The following APBB2 variants were observed in gnomAD, a reference collection of about 807,000 sequenced individuals.
APBB2 encodes amyloid beta precursor protein binding family B member 2, also known as Fe65-like 1.
In APBB2, 38 loss-of-function variants were observed where a neutral mutation model predicts 82.5. The ratio of observed to expected loss-of-function variants is 0.46; its 90% CI spans 0.36 to 0.60. The LOEUF (loss-of-function observed/expected upper bound fraction) is 0.60, where lower values mean the gene tolerates loss of function less well. Ranked by LOEUF, APBB2 falls within the 20% of genes least tolerant of loss-of-function variation. APBB2 has a pLI of 0.00. For missense variants in APBB2, 772 were observed against 972.3 expected (o/e 0.79, Z 2.74); for synonymous variants, 341 against 368.2 (o/e 0.93, Z 0.85).
intron 12 of APBB2, among the ~76,000 whole-genome samples, chr4:40,850,593 G>T (rs1020958517): frequency 5.5e-4 from 83 of 152,190 alleles, no homozygotes; most frequent in African/African-American, 2.0e-3. Context: ...TGTGAATGAA[G>T]AGTATTGGAC....
At chr4:40,965,957 T>C (rs2154395932) in intron 6 of APBB2, among the ~76,000 whole-genome samples, 1 of 152,304 alleles carries the variant, frequency 6.6e-6, no homozygotes, top group Non-Finnish European at 1.5e-5. Flanking sequence ...TTCAACACTT[T>C]TACCCTTCTC....
At chr4:40,982,384 AAGGAAGG>A (rs1799146863) in intron 6 of APBB2, among the ~76,000 whole-genome samples, 1 of 13,140 alleles carries the variant, frequency 7.6e-5, no homozygotes, top group Non-Finnish European at 1.6e-4. Flanking sequence ...GGAAGGAAGG[AAGGAAGG>A]AAAGGAAAGG....
intron 12 of APBB2, among the ~76,000 whole-genome samples, chr4:40,845,870 T>A (rs896057192): frequency 6.6e-6 from 1 of 152,014 alleles, no homozygotes; most frequent in Non-Finnish European, 1.5e-5. Flanking sequence ...CACACCATTA[T>A]CCACAGGACA....
chr4:41,081,087 T>G (rs1172421723), intron 3 of APBB2, among the ~76,000 whole-genome samples: 2 of 152,248 alleles, frequency 1.3e-5, no homozygotes, highest in East Asian at 3.8e-4. Flanking sequence ...TCTCTTGACG[T>G]ATCTAATGGC....
At position 40,826,117 on chromosome 4, in the gene APBB2, A is replaced by G; in HGVS notation, c.1733-147T>C. 3.0e-6 allele frequency: 2 copies of G among 662,450 alleles called. No homozygotes were observed. Among genetic ancestry groups the G allele is most frequent in the Non-Finnish European group, 2.8e-6 (1 of 360,880 alleles). 41.0% of individuals were successfully genotyped at this position (662,450 alleles called of 1,614,324 possible). On this transcript the variant is annotated intron_variant, in intron 14 of 17. Transcript: ENST00000508593. This position sits in a 1 kb window ranked among gnomAD's most constrained non-coding sequence, Gnocchi z 4.5. ...TGGATGTAAATGTAACAACTATTCTACAAGAGCAGCATTACTCCAGATATT... is the reference window on the plus strand; with the variant it reads ...TGGATGTAAATGTAACAACTATTCTGCAAGAGCAGCATTACTCCAGATATT...
At chr4:41,028,852 C>T (rs1023285289) in intron 5 of APBB2, among the ~76,000 whole-genome samples, 2 of 152,238 alleles carry the variant, frequency 1.3e-5, no homozygotes, top group South Asian at 2.1e-4. Flanking sequence ...CCCTGTAACT[C>T]GGACCACATC....
At chr4:40,876,552 G>T (rs951244706) in intron 12 of APBB2, among the ~76,000 whole-genome samples, 1 of 152,068 alleles carries the variant, frequency 6.6e-6, no homozygotes, top group African/African-American at 2.4e-5. Context: ...GTGTCTGCAG[G>T]GAATTAGTTC....
At chr4:41,166,121 G>A (rs1001173583) in intron 1 of APBB2, among the ~76,000 whole-genome samples, 17 of 150,436 alleles carry the variant, frequency 1.1e-4, no homozygotes, top group Non-Finnish European at 2.1e-4. Context: ...TGATCCGCCC[G>A]CCTCGGCCTC....
intron 6 of APBB2, among the ~76,000 whole-genome samples, chr4:40,974,370 A>G (rs962391856): frequency 6.6e-6 from 1 of 152,204 alleles, no homozygotes; most frequent in Non-Finnish European, 1.5e-5. Context: ...GAGGGTAGGG[A>G]GAAATCTTCA....
chr4:40,967,428 C>T (rs1039900597), intron 6 of APBB2, among the ~76,000 whole-genome samples: 2 of 152,204 alleles, frequency 1.3e-5, no homozygotes, highest in African/African-American at 4.8e-5. Context: ...GCTCCCTGAG[C>T]CAGGGCTATG....
chr4:40,946,232 C>CAAAAAAAAAAAAAAA (rs55995119), intron 6 of APBB2, among the ~76,000 whole-genome samples: 4 of 78,698 alleles, frequency 5.1e-5, no homozygotes, highest in East Asian at 3.6e-4. Flanking sequence ...ACTCTATCTC[C>CAAAAAAAAAAAAAAA]AAAAAAAAAA....
chr4:40,883,530 T>C (rs1012285508), intron 12 of APBB2, among the ~76,000 whole-genome samples: 2 of 151,968 alleles, frequency 1.3e-5, no homozygotes, highest in Non-Finnish European at 2.9e-5. Context: ...GAGGTTGCAG[T>C]GAGCCGAGAT....
Position 40,915,519 on chromosome 4 carries a change from G to C in APBB2, c.1254+18937C>G, listed in dbSNP as rs536540251. The stretch of plus-strand genomic sequence containing the variant: ...AAACAATACCTGGTACTCAGTAAAA[G>C]TTACTGATAACTATCTTCAGGGCTA... On this transcript the variant is annotated intron_variant, in intron 10 of 17. Transcript: ENST00000508593. Among the ~76,000 whole-genome samples, 82 of 152,280 alleles carry C rather than the reference G, an allele frequency of 5.4e-4. 1 individual carries two copies. In the South Asian group the frequency reaches 0.017, roughly 31 times the overall value.
At chr4:41,049,934 G>A (rs1725325495) in intron 4 of APBB2, among the ~76,000 whole-genome samples, 1 of 152,052 alleles carries the variant, frequency 6.6e-6, no homozygotes, top group Non-Finnish European at 1.5e-5. Flanking sequence ...CTCGTTAAGA[G>A]TCATCACCAC....
chr4:41,076,208 T>A (rs1362094394), intron 3 of APBB2, among the ~76,000 whole-genome samples: 1 of 152,164 alleles, frequency 6.6e-6, no homozygotes, highest in Non-Finnish European at 1.5e-5. Flanking sequence ...CAAACCAGTA[T>A]GCGGCAAAGA....
At chr4:40,870,490 A>T (rs148990440) in intron 12 of APBB2, among the ~76,000 whole-genome samples, 26 of 152,328 alleles carry the variant, frequency 1.7e-4, no homozygotes, top group African/African-American at 6.3e-4. Context: ...CAGGAAGCCA[A>T]CCGGTGTGCC....
chr4:40,845,588 C>CAAAAATAAAAAAA (rs1757242894), intron 12 of APBB2, among the ~76,000 whole-genome samples: 1 of 56,482 alleles, frequency 1.8e-5, no homozygotes, highest in Non-Finnish European at 3.0e-5. Context: ...GGAAATTCCT[C>CAAAAATAAAAAAA]AAAAAAAAAA....
At chr4:40,877,936 A>G (rs1291844843) in intron 12 of APBB2, among the ~76,000 whole-genome samples, 1 of 152,184 alleles carries the variant, frequency 6.6e-6, no homozygotes, top group Non-Finnish European at 1.5e-5. Context: ...CTGCCTGAAG[A>G]TGGCTCTCCA....
chr4:41,141,332 CTG>C (rs112919629), intron 2 of APBB2, among the ~76,000 whole-genome samples: 7,658 of 108,174 alleles, frequency 0.071, 418 homozygotes, highest in African/African-American at 0.16. Flanking sequence ...GTGTGTGTGT[CTG>C]TGTGTGTGTG....
Sources: allele counts gnomAD v4.1 joint callset (sites outside exome capture counted in the v4.1 genomes callset), GRCh38; gene constraint gnomAD v4.1.1; non-coding constraint Gnocchi (gnomAD v3.1); transcripts MANE v1.5; gene names NCBI Gene and HGNC (gene_info 2026-07-23, HGNC 2026-07-21).